NPAS2: variants seen among roughly 807,000 people sequenced by gnomAD.
NPAS2 encodes neuronal PAS domain protein 2, also known as neuronal PAS domain-containing protein 2.
NPAS2 carries 23 observed loss-of-function variants against 107.5 expected under a neutral mutation model. The observed-to-expected ratio is 0.21, with a 90% CI of 0.15 to 0.30. The LOEUF (loss-of-function observed/expected upper bound fraction) is 0.30. Ranked by LOEUF, NPAS2 falls within the 10% of genes least tolerant of loss-of-function variation. The pLI, the probability that NPAS2 is intolerant of heterozygous loss-of-function variation, is 1.00. For missense variants in NPAS2, 756 were observed against 1,043.3 expected (o/e 0.72, Z 3.79); for synonymous variants, 403 against 417.5 (o/e 0.97, Z 0.42).
At position 100,826,411 on chromosome 2, in the gene NPAS2, C is replaced by T. The variant is rs545783983; in HGVS notation, c.-23+5997C>T. On this transcript the variant is annotated intron_variant, in intron 1 of 20. Transcript: ENST00000335681. ...GAGCCAAGATCCTGCCACTGCACTC[C>T]AGCCTGGCAACAGAGCAAGACTTTG... 1.2e-4 allele frequency among the ~76,000 whole-genome samples: 19 copies of T among 152,256 alleles called. No individual in the cohort carries two copies. The South Asian group carries it at 4.0e-3, about 32-fold the overall frequency.
In NPAS2 at chr2:100,820,875, C is replaced by T; in HGVS notation, c.-23+461C>T. 2.5e-6 allele frequency: 1 copy of T among 407,148 alleles called. No individual in the cohort carries two copies. The highest frequency in any genetic ancestry group is 4.5e-6 in the Non-Finnish European group (1 of 223,804). The allele number at this position is 407,148 out of a possible 1,614,324, so 25.2% of individuals were successfully genotyped here. A position where few individuals can be genotyped will look rare whatever the true frequency, so the allele number is the denominator to read the frequency against. ...GTGCGGCGTGCGCGCCCTGGGCCCGCGGTCTCTCGGAGTCCCTGGGTCGGA... is the reference window on the plus strand; with the variant it reads ...GTGCGGCGTGCGCGCCCTGGGCCCGTGGTCTCTCGGAGTCCCTGGGTCGGA... On this transcript the variant is annotated intron_variant, in intron 1 of 20. Coordinates refer to ENST00000335681, the MANE Select transcript of NPAS2 (RefSeq NM_002518.4). This position sits in a 1 kb window ranked among gnomAD's most constrained non-coding sequence, Gnocchi z 5.6.
Position 100,990,047 on chromosome 2 carries a change from C to T in NPAS2, c.1828-209C>T, listed in dbSNP as rs978128860. ...CAAGGCACATTTGCTACTTGCCTGC[C>T]TAGAGTCCGGCACTGTCCTAGGCCC... On this transcript the variant is annotated intron_variant, in intron 17 of 20. Transcript: ENST00000335681. 2.6e-5 allele frequency: 15 copies of T among 582,026 alleles called. No homozygotes were observed. In the South Asian group the frequency reaches 2.8e-4, roughly 11 times the overall value. The allele number at this position is 582,026 out of a possible 1,614,324, so 36.1% of individuals were successfully genotyped here. A position where few individuals can be genotyped will look rare whatever the true frequency, so the allele number is the denominator to read the frequency against.
At chr2:100,969,173 C>G (rs569114925) in intron 11 of NPAS2, among the ~76,000 whole-genome samples, 8 of 151,236 alleles carry the variant, frequency 5.3e-5, no homozygotes, top group Admixed American at 2.0e-4. Context: ...GACAGCATGC[C>G]TTTCTTTTTT....
chr2:100,988,491 A>G, intron 17 of NPAS2: 1 of 565,806 alleles, frequency 1.8e-6, no homozygotes, highest in Non-Finnish European at 3.2e-6. Context: ...TCTGTGTTTT[A>G]TAAATGTCCA....
At chr2:100,993,185 G>A (rs546486619) in intron 19 of NPAS2, among the ~76,000 whole-genome samples, 162 bp from the exon 20 acceptor site, 6 of 152,120 alleles carry the variant, frequency 3.9e-5, no homozygotes, top group East Asian at 1.9e-4. Flanking sequence ...CGCCTGCCTC[G>A]GCCTCCCAAA....
At chr2:100,901,889 C>T (rs1354972440) in intron 1 of NPAS2, among the ~76,000 whole-genome samples, 1 of 152,112 alleles carries the variant, frequency 6.6e-6, no homozygotes, top group Admixed American at 6.5e-5. Context: ...CTGATTCACA[C>T]ACCTCGTGAC....
intron 2 of NPAS2, among the ~76,000 whole-genome samples, chr2:100,915,266 C>G (rs1442897319): frequency 6.6e-6 from 1 of 152,106 alleles, no homozygotes; most frequent in Non-Finnish European, 1.5e-5. Context: ...TTTCTTCCCC[C>G]TTGCTCTCTA....
chr2:100,977,662 C>A (rs546703948), intron 14 of NPAS2, 48 bp from the exon 15 acceptor site: 2 of 1,529,312 alleles, frequency 1.3e-6, no homozygotes, highest in Non-Finnish European at 1.8e-6. Flanking sequence ...ATCCCTGTCC[C>A]CTGGAATGGC....
chr2:100,871,107 T>C lies in NPAS2; in HGVS notation c.-22-33626T>C, dbSNP rs534680140. On this transcript the variant is annotated intron_variant, in intron 1 of 20. Transcript: ENST00000335681. ...TCTAAGGCAGGGGTTGGCCAACCAC[T>C]GCCTGTGGGCCACATCTCACCCACT... 1.4e-3 allele frequency among the ~76,000 whole-genome samples: 220 copies of C among 152,330 alleles called. 1 individual carries two copies. The highest frequency in any genetic ancestry group is 5.1e-3 in the African/African-American group (213 of 41,588).
Position 100,926,704 on chromosome 2 carries a change from A to G in NPAS2, c.181+1410A>G, listed in dbSNP as rs141994844. 4.5e-4 allele frequency among the ~76,000 whole-genome samples: 69 copies of G among 152,226 alleles called. 1 individual carries two copies. The East Asian group carries it at 9.3e-3, about 20-fold the overall frequency. On this transcript the variant is annotated intron_variant, in intron 3 of 20. Coordinates refer to ENST00000335681, the MANE Select transcript of NPAS2 (RefSeq NM_002518.4). ...TCTAGATACTAGACCCTTATCTGGT[A>G]TAGAATTCGAAAATATCTTCCCCCA... is the stretch of plus-strand genomic sequence containing the variant.
In NPAS2 at chr2:100,855,371, G is replaced by A. The variant is rs146504699; in HGVS notation, c.-23+34957G>A. ...CCTGTCTCACGAAGGCCTCGACCGCGGGTAGAGCTGGAACCACCTGAGATT... is the reference window on the plus strand; with the variant it reads ...CCTGTCTCACGAAGGCCTCGACCGCAGGTAGAGCTGGAACCACCTGAGATT... On this transcript the variant is annotated intron_variant, in intron 1 of 20. Transcript: ENST00000335681. Among the ~76,000 whole-genome samples, 229 of 152,274 alleles carry A rather than the reference G, an allele frequency of 1.5e-3. 1 individual carries two copies. Among genetic ancestry groups the A allele is most frequent in the African/African-American group, 5.3e-3 (221 of 41,558 alleles).
rs113764160 is a variant in NPAS2 at position 100,822,995 on chromosome 2, A to G, written c.-23+2581A>G. Among the ~76,000 whole-genome samples the G allele has an allele frequency of 8.5e-5, 13 of 152,312 alleles. 2 individuals are homozygous for G. Among genetic ancestry groups the G allele is most frequent in the African/African-American group, 3.1e-4 (13 of 41,568 alleles). On this transcript the variant is annotated intron_variant, in intron 1 of 20. Coordinates refer to ENST00000335681, the MANE Select transcript of NPAS2 (RefSeq NM_002518.4). ...TGTTCCTGATCCTCGTTCTATTTGTAGCAAAGATGGGAGGTCAGGGACTGT... is the reference window on the plus strand; with the variant it reads ...TGTTCCTGATCCTCGTTCTATTTGTGGCAAAGATGGGAGGTCAGGGACTGT...
intron 18 of NPAS2, 68 bp from the exon 19 acceptor site, chr2:100,990,712 C>T: frequency 1.4e-6 from 2 of 1,406,218 alleles, no homozygotes; most frequent in Non-Finnish European, 1.0e-6. Flanking sequence ...TGAGCAAGTG[C>T]TGCCACGACC....
chr2:100,938,170 T>G (rs1172766707), intron 5 of NPAS2, among the ~76,000 whole-genome samples: 1 of 152,198 alleles, frequency 6.6e-6, no homozygotes, highest in African/African-American at 2.4e-5. Flanking sequence ...AGAGCCATCA[T>G]GGAGGCTGAC....
intron 5 of NPAS2, among the ~76,000 whole-genome samples, chr2:100,940,718 C>A (rs1465292143): frequency 6.6e-6 from 1 of 152,192 alleles, no homozygotes; most frequent in Non-Finnish European, 1.5e-5. Context: ...CCCAAGGTTC[C>A]ACAGCCAGAC....
intron 1 of NPAS2, among the ~76,000 whole-genome samples, chr2:100,834,782 C>T (rs1242993040): frequency 2.0e-5 from 3 of 152,092 alleles, no homozygotes; most frequent in African/African-American, 7.2e-5. Flanking sequence ...GCAACTTCCA[C>T]GTCCCAGGTT....
chr2:100,914,911 C>A (rs1476009287), intron 2 of NPAS2, among the ~76,000 whole-genome samples: 1 of 152,090 alleles, frequency 6.6e-6, no homozygotes, highest in Admixed American at 6.5e-5. Context: ...ACCAAACCAG[C>A]AGCGAGTTCA....
intron 12 of NPAS2, among the ~76,000 whole-genome samples, chr2:100,972,430 C>T (rs966665838): frequency 6.6e-6 from 1 of 152,232 alleles, no homozygotes; most frequent in Non-Finnish European, 1.5e-5. Context: ...GACTGCGAAT[C>T]CAGAGCCTTG....
intron 1 of NPAS2, among the ~76,000 whole-genome samples, chr2:100,826,819 C>T (rs540785956): frequency 6.6e-6 from 1 of 152,276 alleles, no homozygotes; most frequent in Non-Finnish European, 1.5e-5. Flanking sequence ...GTGTGTAAGG[C>T]CGCCTTGTCT....
Sources: allele counts gnomAD v4.1 joint callset (sites outside exome capture counted in the v4.1 genomes callset), GRCh38; gene constraint gnomAD v4.1.1; non-coding constraint Gnocchi (gnomAD v3.1); transcripts MANE v1.5; gene names NCBI Gene and HGNC (gene_info 2026-07-23, HGNC 2026-07-21).